The following TGFBR3 variants were observed in gnomAD, a reference collection of about 807,000 sequenced individuals.
The protein encoded by TGFBR3 is transforming growth factor beta receptor type 3.
In TGFBR3, 46 loss-of-function variants were observed where a neutral mutation model predicts 87.9. That is an observed-to-expected ratio of 0.52 (90% CI 0.41 to 0.67). The LOEUF is 0.67. Ranked by LOEUF, TGFBR3 falls within the 30% of genes least tolerant of loss-of-function variation. The probability of loss-of-function intolerance (pLI) is 0.00; values close to 1 mark genes in which losing one functional copy is unlikely to be tolerated. For synonymous variants in TGFBR3, 381 were observed against 391.6 expected (o/e 0.97, Z 0.32); for missense variants, 866 against 1,041.9 (o/e 0.83, Z 2.32).
chr1:91,804,956 C>T (rs569821480), intron 2 of TGFBR3, among the ~76,000 whole-genome samples: 11 of 152,342 alleles, frequency 7.2e-5, no homozygotes, highest in South Asian at 2.1e-4. Context: ...TCAACCAGGG[C>T]GTGGACGATG....
upstream of TGFBR3, among the ~76,000 whole-genome samples, chr1:91,887,236 C>CTTTT (rs71087977): frequency 5.6e-4 from 23 of 41,406 alleles, 6 homozygotes; most frequent in African/African-American, 1.4e-3. Context: ...GGACCTATGC[C>CTTTT]TTTTTTTTTT....
intron 8 of TGFBR3, 28 bp downstream of exon 8, chr1:91,721,927 T>C: frequency 3.1e-6 from 5 of 1,607,870 alleles, no homozygotes; most frequent in Non-Finnish European, 4.3e-6. Flanking sequence ...GGGTATTTTT[T>C]ACATAACTTA....
intron 1 of TGFBR3, among the ~76,000 whole-genome samples, chr1:91,902,187 C>G (rs915903550): frequency 6.6e-6 from 1 of 152,078 alleles, no homozygotes; most frequent in Non-Finnish European, 1.5e-5. Flanking sequence ...GTTAGGTGCT[C>G]TCTTTCCAAA....
At chr1:91,736,681 T>C (rs1452749748) in intron 4 of TGFBR3, among the ~76,000 whole-genome samples, 1 of 152,174 alleles carries the variant, frequency 6.6e-6, no homozygotes, top group African/African-American at 2.4e-5. Context: ...ACAATGTTTA[T>C]CTAATTTTTT....
intron 1 of TGFBR3, among the ~76,000 whole-genome samples, chr1:91,872,330 G>T (rs764243811): frequency 3.9e-5 from 6 of 152,052 alleles, no homozygotes; most frequent in Non-Finnish European, 5.9e-5. Context: ...CACAAGATGG[G>T]GTCCTGCCAA....
chr1:91,891,253 A>C (rs928980122), intron 2 of TGFBR3, among the ~76,000 whole-genome samples: 83 of 150,298 alleles, frequency 5.5e-4, no homozygotes, highest in African/African-American at 2.0e-3. Context: ...CTGTAATCCC[A>C]GTACTTGGGA....
At chr1:91,785,112 T>A (rs1674908851) in intron 3 of TGFBR3, among the ~76,000 whole-genome samples, 1 of 152,174 alleles carries the variant, frequency 6.6e-6, no homozygotes, top group African/African-American at 2.4e-5. Flanking sequence ...TAACAAAACA[T>A]GGTATAGCCA....
At chr1:91,756,627 T>G (rs1264035581) in intron 4 of TGFBR3, among the ~76,000 whole-genome samples, 1 of 152,216 alleles carries the variant, frequency 6.6e-6, no homozygotes, top group Non-Finnish European at 1.5e-5. Context: ...TAATTACTGA[T>G]TTTTGATTTT....
At chr1:91,704,655 A>C (rs1671734162) in intron 14 of TGFBR3, among the ~76,000 whole-genome samples, 2 of 152,238 alleles carry the variant, frequency 1.3e-5, no homozygotes, top group Non-Finnish European at 1.5e-5. Flanking sequence ...TTAGATCATC[A>C]TCCTCATCTC....
At chr1:91,803,563 A>G (rs1391782239) in intron 2 of TGFBR3, among the ~76,000 whole-genome samples, 1 of 152,118 alleles carries the variant, frequency 6.6e-6, no homozygotes, top group East Asian at 1.9e-4. Context: ...ATAGGAAACA[A>G]ATGTAAACTC....
chr1:91,821,245 A>G (rs1463043126), intron 2 of TGFBR3, among the ~76,000 whole-genome samples: 1 of 149,010 alleles, frequency 6.7e-6, no homozygotes, highest in Non-Finnish European at 1.5e-5. Context: ...CATGAGAATC[A>G]CTTGAACCTG....
chr1:91,698,036 T>A, intron 15 of TGFBR3, 53 bp downstream of exon 15: 1 of 1,567,616 alleles, frequency 6.4e-7, no homozygotes, highest in Non-Finnish European at 8.8e-7. Context: ...AACCAACTCA[T>A]TCTTAGGAAA....
At chr1:91,715,186 G>C (rs1255458864) in intron 12 of TGFBR3, among the ~76,000 whole-genome samples, 1 of 152,194 alleles carries the variant, frequency 6.6e-6, no homozygotes, top group African/African-American at 2.4e-5. Flanking sequence ...AACATGAAAG[G>C]TTGTACCCAG....
intron 13 of TGFBR3, 123 bp from the exon 14 acceptor site, chr1:91,708,906 G>T: frequency 7.3e-7 from 1 of 1,369,158 alleles, no homozygotes; most frequent in Non-Finnish European, 1.0e-6. Context: ...CTACAGAAAA[G>T]CAAGAAGGTG....
intron 15 of TGFBR3, among the ~76,000 whole-genome samples, chr1:91,697,210 A>G (rs1403812472): frequency 2.0e-5 from 3 of 152,158 alleles, no homozygotes; most frequent in Admixed American, 2.0e-4. Flanking sequence ...ACTATTCTAA[A>G]TCTCCAAAGA....
chr1:91,758,595 G>A lies in TGFBR3; in HGVS notation c.384+18C>T, dbSNP rs1456754047. The stretch of plus-strand genomic sequence containing the variant: ...TCCTTGTGCTAAGGATCAGTTTGGG[G>A]GAGGTTTAAGCACTTACCAAAAACA... On this transcript the variant is annotated intron_variant, in intron 4 of 16. Coordinates refer to ENST00000212355, the MANE Select transcript of TGFBR3 (RefSeq NM_003243.5). 8.1e-6 allele frequency: 13 copies of A among 1,613,660 alleles called. No individual in the cohort carries two copies. The highest frequency in any genetic ancestry group is 9.3e-6 in the Non-Finnish European group (11 of 1,179,794).
chr1:91,829,105 A>G (rs1044394889), intron 2 of TGFBR3, among the ~76,000 whole-genome samples: 9 of 151,994 alleles, frequency 5.9e-5, no homozygotes, highest in Admixed American at 5.2e-4. Flanking sequence ...GCTGGGCACG[A>G]TGGCTCACAC....
chr1:91,722,266 T>C (rs1672396060), intron 7 of TGFBR3, 122 bp from the exon 8 acceptor site: 6 of 884,220 alleles, frequency 6.8e-6, no homozygotes, highest in Non-Finnish European at 1.0e-5. Flanking sequence ...TTTATTCTTT[T>C]GACCCCTGTT....
chr1:91,720,795 T>A (rs1672343547), intron 8 of TGFBR3, among the ~76,000 whole-genome samples: 1 of 152,252 alleles, frequency 6.6e-6, no homozygotes, highest in East Asian at 1.9e-4. Context: ...CAAGAGAGTC[T>A]TTTGAATAAT....
Sources: allele counts gnomAD v4.1 joint callset (sites outside exome capture counted in the v4.1 genomes callset), GRCh38; gene constraint gnomAD v4.1.1; transcripts MANE v1.5; gene names NCBI Gene and HGNC (gene_info 2026-07-23, HGNC 2026-07-21).